Variants in CCNY observed in about 807,000 individuals in gnomAD.
The protein encoded by CCNY is cyclin-Y.
A neutral mutation model predicts 42.8 loss-of-function variants in CCNY; 19 were observed. The observed-to-expected ratio is 0.44, with a 90% CI of 0.31 to 0.65. The LOEUF (loss-of-function observed/expected upper bound fraction) is 0.65. CCNY is among the 30% of genes least tolerant of loss of function. The pLI is 0.07. For missense variants in CCNY, 370 were observed against 437.3 expected (o/e 0.85, Z 1.37); for synonymous variants, 165 against 162.7 (o/e 1.01, Z -0.11).
chr10:35,535,831 T>TC (rs1840875058), intron 7 of CCNY, among the ~76,000 whole-genome samples: 2 of 152,196 alleles, frequency 1.3e-5, no homozygotes, highest in Non-Finnish European at 2.9e-5. Context: ...TCTGCCATTT[T>TC]ATATCAGGGA....
At chr10:35,393,169 CT>C (rs1837451517) in intron 1 of CCNY, among the ~76,000 whole-genome samples, 1 of 152,180 alleles carries the variant, frequency 6.6e-6, no homozygotes, top group South Asian at 2.1e-4. Context: ...CTGGGAAAGT[CT>C]TCCTCACCAT....
chr10:35,522,779 A>G (rs1840574885), intron 4 of CCNY, among the ~76,000 whole-genome samples: 1 of 152,220 alleles, frequency 6.6e-6, no homozygotes, highest in African/African-American at 2.4e-5. Context: ...TGTTAGCCCC[A>G]AAAGACTAAC....
chr10:35,483,517 T>A (rs1564429240), intron 2 of CCNY, 39 bp downstream of exon 2: 1 of 1,313,742 alleles, frequency 7.6e-7, no homozygotes, highest in Non-Finnish European at 1.1e-6. Flanking sequence ...TAAAAAAGGC[T>A]CATGTTGGTA....
At position 35,278,329 on chromosome 10, in the gene CCNY, G is replaced by A. The variant is rs372854804; in HGVS notation, c.-9+27703G>A. Among the ~76,000 whole-genome samples the A allele has an allele frequency of 5.3e-5, 8 of 152,076 alleles. 1 individual carries two copies. The East Asian group carries it at 7.7e-4, about 15-fold the overall frequency. On this transcript the variant is annotated intron_variant, in intron 3 of 11. Coordinates refer to the CCNY transcript ENST00000374706. ...GGAGAGAGCACACGCCGAAGGAGCTGGAGAATACGCCAGAGGAACCAAGGC... is the reference window on the plus strand; with the variant it reads ...GGAGAGAGCACACGCCGAAGGAGCTAGAGAATACGCCAGAGGAACCAAGGC...
intron 3 of CCNY, among the ~76,000 whole-genome samples, chr10:35,268,114 C>G (rs2095727474): frequency 6.6e-6 from 1 of 151,936 alleles, no homozygotes; most frequent in African/African-American, 2.4e-5. Flanking sequence ...AGGTTGGTCT[C>G]GAACTCCTGG....
At chr10:35,533,826 A>G (rs1407526382) in intron 7 of CCNY, among the ~76,000 whole-genome samples, 2 of 152,340 alleles carry the variant, frequency 1.3e-5, no homozygotes, top group East Asian at 3.9e-4. Flanking sequence ...TACGACCAAC[A>G]TCTGGAACAC....
In CCNY at chr10:35,485,452, G is replaced by A. The variant is rs140070283; in HGVS notation, c.229+1974G>A. On this transcript the variant is annotated intron_variant, in intron 2 of 9. Coordinates refer to ENST00000374704, the MANE Select transcript of CCNY (RefSeq NM_145012.6). ...AAAAATAGGTAGATTTGGGCTGGGCGCGGTGGCTCACGCCTGTAATCCCAG... is the reference window on the plus strand; with the variant it reads ...AAAAATAGGTAGATTTGGGCTGGGCACGGTGGCTCACGCCTGTAATCCCAG... Among the ~76,000 whole-genome samples, 265 of 152,338 alleles carry A rather than the reference G, an allele frequency of 1.7e-3. 4 individuals are homozygous for A. The East Asian group carries it at 0.034, about 19-fold the overall frequency.
intron 2 of CCNY, among the ~76,000 whole-genome samples, chr10:35,492,212 C>G (rs770852255): frequency 3.3e-5 from 5 of 152,256 alleles, no homozygotes; most frequent in Non-Finnish European, 7.3e-5. Context: ...CAGTGAGACA[C>G]CAGCACACAC....
intron 1 of CCNY, among the ~76,000 whole-genome samples, chr10:35,459,454 G>T (rs1427719292): frequency 1.3e-5 from 2 of 152,102 alleles, no homozygotes; most frequent in African/African-American, 4.8e-5. Flanking sequence ...TTTATGTGTG[G>T]CCCAAGACAA....
At chr10:35,291,932 A>T (rs556356126) in intron 3 of CCNY, among the ~76,000 whole-genome samples, 1 of 152,172 alleles carries the variant, frequency 6.6e-6, no homozygotes. Context: ...CCTATGTTTA[A>T]CCTTTTGAGA....
intron 1 of CCNY, among the ~76,000 whole-genome samples, chr10:35,348,620 G>C (rs1218861479): frequency 6.6e-6 from 1 of 152,248 alleles, no homozygotes; most frequent in African/African-American, 2.4e-5. Flanking sequence ...GGTGGGATGA[G>C]TCAGGGAGGA....
Position 35,570,414 on chromosome 10 carries a change from T to A in CCNY, c.*1244T>A, listed in dbSNP as rs546994497. On this transcript the variant is annotated 3_prime_UTR_variant, in exon 10 of 10. Coordinates refer to ENST00000374704, the MANE Select transcript of CCNY (RefSeq NM_145012.6). ...CTGTGAAGGTTTATGCTTCATTAAT[T>A]ATGACCATACTTTTTCATTTTCTGA... 1 of 152,432 alleles carries A rather than the reference T, an allele frequency of 6.6e-6. No individual in the cohort carries two copies. Among genetic ancestry groups the A allele is most frequent in the South Asian group, 2.1e-4 (1 of 4,820 alleles). 9.4% of individuals were successfully genotyped at this position (152,432 alleles called of 1,614,324 possible).
Position 35,526,285 on chromosome 10 carries a change from A to G in CCNY, c.401+286A>G, listed in dbSNP as rs1418949832. Among the ~76,000 whole-genome samples the G allele has an allele frequency of 3.3e-5, 5 of 152,214 alleles. No individual in the cohort carries two copies. The South Asian group carries it at 6.2e-4, about 19-fold the overall frequency. On this transcript the variant is annotated intron_variant, in intron 5 of 9. Coordinates refer to ENST00000374704, the MANE Select transcript of CCNY (RefSeq NM_145012.6). ...TCTTTATTTTCTGAAAAATTTGTTG[A>G]AACATTCTGTCTTTTGTAAAATGTC...
At chr10:35,303,777 CAAA>C (rs755443366) in intron 3 of CCNY, among the ~76,000 whole-genome samples, 18 of 48,512 alleles carry the variant, frequency 3.7e-4, no homozygotes, top group African/African-American at 9.0e-4. Context: ...AACTCCGTCT[CAAA>C]AAAAAAAAAA....
chr10:35,522,682 C>T (rs181092982), intron 4 of CCNY, among the ~76,000 whole-genome samples: 88 of 152,112 alleles, frequency 5.8e-4, no homozygotes, highest in Non-Finnish European at 1.0e-3. Context: ...TCTGTGTGGC[C>T]GATGCAAAAA....
intron 1 of CCNY, among the ~76,000 whole-genome samples, chr10:35,446,224 T>C (rs1291897735): frequency 6.6e-6 from 1 of 152,228 alleles, no homozygotes; most frequent in East Asian, 1.9e-4. Flanking sequence ...ATTTCAGCCT[T>C]TTAAAAATAG....
At chr10:35,358,045 C>T (rs1836597157) in intron 1 of CCNY, among the ~76,000 whole-genome samples, 1 of 151,928 alleles carries the variant, frequency 6.6e-6, no homozygotes, top group Non-Finnish European at 1.5e-5. Flanking sequence ...TCCTTAATTT[C>T]TGGCAGGACA....
At chr10:35,503,027 A>G (rs1840142032) in intron 3 of CCNY, among the ~76,000 whole-genome samples, 1 of 152,108 alleles carries the variant, frequency 6.6e-6, no homozygotes, top group South Asian at 2.1e-4. Context: ...ATTGTAGCTG[A>G]TGATACAGAG....
chr10:35,445,051 GAA>G (rs1838761168), intron 1 of CCNY, among the ~76,000 whole-genome samples: 1 of 152,198 alleles, frequency 6.6e-6, no homozygotes. Flanking sequence ...ATTATGGAAA[GAA>G]GAGCATGTTT....
Sources: gnomAD v4.1 joint callset for allele counts (sites outside exome capture counted in the v4.1 genomes callset) on GRCh38, gnomAD v4.1.1 for gene constraint, MANE v1.5 for transcripts, NCBI Gene and HGNC (gene_info 2026-07-23, HGNC 2026-07-21) for gene names.